AFG2A: variants seen among roughly 807,000 people sequenced by gnomAD.
AFG2A encodes the protein ATPase family gene 2 protein homolog A.
the AFG2A span, chr4:123,057,189 T>C: frequency 3.7e-6 from 6 of 1,613,396 alleles, no homozygotes; most frequent in Non-Finnish European, 5.1e-6. Context: ...CTTTAGCTAA[T>C]GTGGCACTCT....
the AFG2A span, among the ~76,000 whole-genome samples, chr4:123,297,808 A>G: frequency 6.6e-6 from 1 of 152,196 alleles, no homozygotes; most frequent in Non-Finnish European, 1.5e-5. Flanking sequence ...GGAAGCATGC[A>G]CCACTGAGCA....
chr4:122,929,361 G>A, the AFG2A span, among the ~76,000 whole-genome samples: 2 of 152,148 alleles, frequency 1.3e-5, no homozygotes, highest in Admixed American at 1.3e-4. Context: ...TATTTAACCA[G>A]TATATATAAA....
At chr4:123,050,255 G>C in the AFG2A span, among the ~76,000 whole-genome samples, 1 of 152,140 alleles carries the variant, frequency 6.6e-6, no homozygotes, top group African/African-American at 2.4e-5. Flanking sequence ...GCCATGTGCT[G>C]ATAACAAGAA....
chr4:123,290,001 GCTCTCTCTC>G, the AFG2A span, among the ~76,000 whole-genome samples: 2 of 152,006 alleles, frequency 1.3e-5, no homozygotes, highest in Non-Finnish European at 2.9e-5. Flanking sequence ...TTATCCTGAT[GCTCTCTCTC>G]CCTGCCCTCC....
At chr4:123,224,550 T>G in the AFG2A span, among the ~76,000 whole-genome samples, 3 of 152,240 alleles carry the variant, frequency 2.0e-5, no homozygotes, top group Non-Finnish European at 4.4e-5. Context: ...TCATCATTTT[T>G]TATGGCTACA....
the AFG2A span, among the ~76,000 whole-genome samples, chr4:123,163,732 C>T: frequency 6.6e-6 from 1 of 152,146 alleles, no homozygotes; most frequent in Non-Finnish European, 1.5e-5. Flanking sequence ...GGGACTGATT[C>T]ACCTAACTGC....
chr4:123,121,195 G>A, the AFG2A span, among the ~76,000 whole-genome samples: 2 of 151,078 alleles, frequency 1.3e-5, no homozygotes, highest in African/African-American at 2.4e-5. Flanking sequence ...ATATTTTTGT[G>A]CAGCTGTATA....
the AFG2A span, among the ~76,000 whole-genome samples, chr4:123,013,884 C>T: frequency 6.6e-6 from 1 of 152,120 alleles, no homozygotes; most frequent in Non-Finnish European, 1.5e-5. Flanking sequence ...GTCATACACA[C>T]ATATAGAAAA....
the AFG2A span, among the ~76,000 whole-genome samples, chr4:123,292,280 G>A: frequency 1.6e-4 from 25 of 152,132 alleles, no homozygotes; most frequent in African/African-American, 5.5e-4. Flanking sequence ...AATTGTTATT[G>A]TGATTTCTTT....
chr4:123,204,602 A>T, the AFG2A span, among the ~76,000 whole-genome samples: 1 of 152,152 alleles, frequency 6.6e-6, no homozygotes, highest in African/African-American at 2.4e-5. Flanking sequence ...ATTTTCTCTC[A>T]TTCTGTAGCT....
the AFG2A span, among the ~76,000 whole-genome samples, chr4:123,036,613 A>G: frequency 6.6e-6 from 1 of 152,168 alleles, no homozygotes; most frequent in African/African-American, 2.4e-5. Context: ...TAATAGCAGA[A>G]GGGGATTTCA....
At chr4:122,971,243 C>G in the AFG2A span, among the ~76,000 whole-genome samples, 3 of 152,072 alleles carry the variant, frequency 2.0e-5, no homozygotes, top group African/African-American at 7.2e-5. Context: ...ACCATCTCTA[C>G]AGAAAATTTA....
chr4:123,098,056 G>C, the AFG2A span, among the ~76,000 whole-genome samples: 1 of 152,014 alleles, frequency 6.6e-6, no homozygotes, highest in Non-Finnish European at 1.5e-5. Flanking sequence ...TTGCACTACT[G>C]TAGTAGAGTA....
At chr4:123,054,530 A>G in the AFG2A span, among the ~76,000 whole-genome samples, 1 of 152,178 alleles carries the variant, frequency 6.6e-6, no homozygotes, top group South Asian at 2.1e-4. Flanking sequence ...CATCCTGGCT[A>G]ACACAGTGAA....
At chr4:123,045,293 T>C in the AFG2A span, among the ~76,000 whole-genome samples, 3 of 141,666 alleles carry the variant, frequency 2.1e-5, no homozygotes, top group East Asian at 2.1e-4. Flanking sequence ...CCATCACAGC[T>C]GAATACTTCA....
At chr4:123,073,917 T>A in the AFG2A span, among the ~76,000 whole-genome samples, 11 of 152,158 alleles carry the variant, frequency 7.2e-5, no homozygotes, top group Admixed American at 7.2e-4. Context: ...TATTAGTCAC[T>A]GATTGCAGAA....
chr4:123,133,843 G>A, the AFG2A span, among the ~76,000 whole-genome samples: 11 of 152,252 alleles, frequency 7.2e-5, no homozygotes, highest in East Asian at 1.3e-3. Context: ...GATGTGAGGT[G>A]ACATCTCATT....
At chr4:123,256,332 T>A in the AFG2A span, 1 of 824,506 alleles carries the variant, frequency 1.2e-6, no homozygotes, top group Non-Finnish European at 1.8e-6. Flanking sequence ...GTCACTAAGT[T>A]AAATTGCACT....
chr4:123,314,140 T>C, the AFG2A span: 1 of 1,326,504 alleles, frequency 7.5e-7, no homozygotes. Flanking sequence ...TTTGAGAGTG[T>C]TAAAAAAAAT....
Sources: gnomAD v4.1 joint callset for allele counts (sites outside exome capture counted in the v4.1 genomes callset) on GRCh38, gnomAD v4.1.1 for gene constraint, MANE v1.5 for transcripts, NCBI Gene and HGNC (gene_info 2026-07-23, HGNC 2026-07-21) for gene names.